ZNF527: variants seen among roughly 807,000 people sequenced by gnomAD.
ZNF527 encodes zinc finger protein 527.
Under a neutral mutation model 13.5 loss-of-function variants are expected in ZNF527, and 5 were observed. That is an observed-to-expected ratio of 0.37 (90% CI 0.19 to 0.78). ZNF527 has a LOEUF of 0.78. Among genes scored for constraint, ZNF527 ranks in the 30% least tolerant of loss-of-function variants. ZNF527 has a pLI of 0.48. For synonymous variants in ZNF527, 209 were observed against 243.1 expected, an observed-to-expected ratio of 0.86 and a Z score of 1.30; for missense variants, 628 against 726.4, an observed-to-expected ratio of 0.86 and a Z score of 1.56.
chr19:37,378,320 G>A (rs187814560), intron 2 of ZNF527, among the ~76,000 whole-genome samples: 14 of 152,062 alleles, frequency 9.2e-5, no homozygotes, highest in African/African-American at 1.4e-4. Context: ...GAACCACTGC[G>A]CCTGGCCTGA....
At chr19:37,382,326 TAG>T (rs1176621890) in intron 4 of ZNF527, among the ~76,000 whole-genome samples, 2 of 151,298 alleles carry the variant, frequency 1.3e-5, no homozygotes, top group Non-Finnish European at 1.5e-5. Context: ...GATAGATAGA[TAG>T]ATATTTACAC....
intron 4 of ZNF527, among the ~76,000 whole-genome samples, chr19:37,387,213 G>T (rs182658039): frequency 2.0e-5 from 3 of 152,030 alleles, no homozygotes; most frequent in Non-Finnish European, 4.4e-5. Flanking sequence ...AAAATAATCC[G>T]TAACCACATC....
At chr19:37,375,298 C>CTTTTCTTTCT (rs1354797643) in intron 2 of ZNF527, among the ~76,000 whole-genome samples, 21 of 103,814 alleles carry the variant, frequency 2.0e-4, no homozygotes, top group African/African-American at 8.7e-4. Context: ...TTCTTTCTTT[C>CTTTTCTTTCT]TTTCTTTCTT....
At chr19:37,386,139 C>CTT (rs2040696731) in intron 4 of ZNF527, among the ~76,000 whole-genome samples, 1 of 69,260 alleles carries the variant, frequency 1.4e-5, no homozygotes, top group African/African-American at 8.7e-5. Flanking sequence ...CTCTTCTTTT[C>CTT]CTTTTTTTTT....
intron 2 of ZNF527, 49 bp from the exon 3 acceptor site, chr19:37,379,071 A>T (rs1449322374): frequency 1.2e-6 from 2 of 1,610,314 alleles, no homozygotes; most frequent in Non-Finnish European, 1.7e-6. Context: ...TTTTGCTAGG[A>T]CCATATAGGT....
intron 2 of ZNF527, 78 bp downstream of exon 2, chr19:37,374,309 A>C (rs1035829318): frequency 9.5e-6 from 13 of 1,361,276 alleles, no homozygotes; most frequent in African/African-American, 1.4e-5. Flanking sequence ...GAAAATCACA[A>C]ATAGCCCAAT....
chr19:37,379,015 T>A, intron 2 of ZNF527, 105 bp from the exon 3 acceptor site: 1 of 1,273,620 alleles, frequency 7.9e-7, no homozygotes, highest in Non-Finnish European at 1.1e-6. Flanking sequence ...CAATAATTAT[T>A]TTCCTCGCAT....
At chr19:37,375,401 G>A (rs1406126610) in intron 2 of ZNF527, among the ~76,000 whole-genome samples, 6 of 139,040 alleles carry the variant, frequency 4.3e-5, no homozygotes, top group East Asian at 2.1e-4. Flanking sequence ...TTGCTCTGTC[G>A]CTCAGGCTGG....
rs951456486 is a variant in ZNF527, at chr19:37,391,671, A to G, written c.*1792A>G. 23 of 152,318 alleles carry G rather than the reference A, an allele frequency of 1.5e-4. No individual in the cohort carries two copies. Among genetic ancestry groups the G allele is most frequent in the African/African-American group, 4.8e-4 (20 of 41,592 alleles). The allele number at this position is 152,318 out of a possible 1,614,324, so 9.4% of individuals were successfully genotyped here. On this transcript the variant is annotated 3_prime_UTR_variant, in exon 5 of 5. Coordinates refer to ENST00000436120, the MANE Select transcript of ZNF527 (RefSeq NM_032453.2). ...TTGCAGCTAGAGATATCAAACAAAG[A>G]TATTGCTGGCAGAAAGAATGAGTCA...
chr19:37,379,651 T>TG (rs2040636858), intron 3 of ZNF527: 1 of 155,512 alleles, frequency 6.4e-6, no homozygotes, highest in Non-Finnish European at 1.4e-5. Context: ...TTACTAGAGA[T>TG]GGGGTTTCTC....
rs1228876279 is a variant in ZNF527 at position 37,392,526 on chromosome 19, A to G, written c.*2647A>G. 2 of 152,066 alleles carry G rather than the reference A, an allele frequency of 1.3e-5. No individual in the cohort carries two copies. Among genetic ancestry groups the G allele is most frequent in the Non-Finnish European group, 2.9e-5 (2 of 68,044 alleles). 9.4% of individuals were successfully genotyped at this position (152,066 alleles called of 1,614,324 possible). On this transcript the variant is annotated 3_prime_UTR_variant, in exon 5 of 5. Transcript: ENST00000436120. ...CACCTCAGCCTCCTGAGTAGCTGGGACTACAGGTGTGCTCTACCACACCTG... is the reference window on the plus strand; with the variant it reads ...CACCTCAGCCTCCTGAGTAGCTGGGGCTACAGGTGTGCTCTACCACACCTG...
At chr19:37,376,682 CAAAAAAAAA>C (rs35179002) in intron 2 of ZNF527, among the ~76,000 whole-genome samples, 1 of 48,536 alleles carries the variant, frequency 2.1e-5, no homozygotes, top group East Asian at 5.1e-4. Flanking sequence ...ACTCCATCTC[CAAAAAAAAA>C]AAAAAAAAAA....
chr19:37,372,778 CTAT>C (rs2146802153), intron 1 of ZNF527, among the ~76,000 whole-genome samples: 1 of 152,198 alleles, frequency 6.6e-6, no homozygotes, highest in East Asian at 1.9e-4. Context: ...CAGCCTGTCT[CTAT>C]TTTTACAATG....
chr19:37,385,133 A>G (rs920929630), intron 4 of ZNF527: 3 of 456,676 alleles, frequency 6.6e-6, no homozygotes, highest in Non-Finnish European at 1.2e-5. Flanking sequence ...GAATTAGATT[A>G]TTTTTCTTTT....
At chr19:37,374,063 A>G in intron 1 of ZNF527, 95 bp from the exon 2 acceptor site, 1 of 798,876 alleles carries the variant, frequency 1.3e-6, no homozygotes, top group Non-Finnish European at 2.1e-6. Flanking sequence ...TGGCCCATGT[A>G]GGGAGAAGAA....
At chr19:37,378,386 T>C (rs190825434) in intron 2 of ZNF527, among the ~76,000 whole-genome samples, 2 of 152,134 alleles carry the variant, frequency 1.3e-5, no homozygotes, top group African/African-American at 4.8e-5. Flanking sequence ...TGGAACCCTA[T>C]CATTTTTAAG....
intron 4 of ZNF527, chr19:37,384,840 C>T (rs1489701230): frequency 4.5e-6 from 3 of 662,874 alleles, no homozygotes; most frequent in Non-Finnish European, 5.5e-6. Flanking sequence ...CCTGCTCATA[C>T]ATTTTTTTGT....
intron 4 of ZNF527, chr19:37,384,957 C>T (rs1460683968): frequency 1.4e-6 from 1 of 701,962 alleles, no homozygotes; most frequent in African/African-American, 1.7e-5. Flanking sequence ...ATCTTCTCAC[C>T]TCAGCATGCA....
chr19:37,377,507 A>G (rs2072874164), intron 2 of ZNF527, among the ~76,000 whole-genome samples: 1 of 152,240 alleles, frequency 6.6e-6, no homozygotes, highest in Non-Finnish European at 1.5e-5. Context: ...TTTTGAGGAC[A>G]TTCTGGCCAT....
Sources: gnomAD v4.1 joint callset for allele counts (sites outside exome capture counted in the v4.1 genomes callset) on GRCh38, gnomAD v4.1.1 for gene constraint, MANE v1.5 for transcripts, NCBI Gene and HGNC (gene_info 2026-07-23, HGNC 2026-07-21) for gene names.